Variants in WNK2 observed in about 807,000 individuals in gnomAD.
WNK2 encodes WNK lysine deficient protein kinase 2.
In WNK2, 67 loss-of-function variants were observed where a neutral mutation model predicts 192.1. The ratio of observed to expected loss-of-function variants is 0.35; its 90% confidence interval spans 0.29 to 0.43. The LOEUF is 0.43. Ranked by LOEUF, WNK2 falls within the 20% of genes least tolerant of loss-of-function variation. WNK2 has a pLI of 1.00. For missense variants in WNK2, 2,698 were observed against 3,089.7 expected, an observed-to-expected ratio of 0.87 and a Z score of 3.01; for synonymous variants, 1,439 against 1,393.9, an observed-to-expected ratio of 1.03 and a Z score of -0.72.
intron 27 of WNK2, chr9:93,307,226 T>G: frequency 5.9e-6 from 1 of 170,078 alleles, no homozygotes; most frequent in Non-Finnish European, 1.2e-5. Context: ...GCCACTCACC[T>G]CTCTCTCTCT....
intron 21 of WNK2, 125 bp downstream of exon 21, chr9:93,290,172 T>A (rs571250218): frequency 1.4e-4 from 114 of 841,312 alleles, no homozygotes; most frequent in Admixed American, 2.4e-4. Flanking sequence ...TAAAGATCCT[T>A]TTATCTGTAA....
At chr9:93,258,277 A>G (rs1843643715) in intron 11 of WNK2, among the ~76,000 whole-genome samples, 1 of 152,192 alleles carries the variant, frequency 6.6e-6, no homozygotes, top group Non-Finnish European at 1.5e-5. Context: ...AGGCACATGT[A>G]ATGCTGAGAA....
At chr9:93,284,818 A>G (rs114870262) in intron 19 of WNK2, among the ~76,000 whole-genome samples, 3,690 of 152,330 alleles carry the variant, frequency 0.024, 155 homozygotes, top group African/African-American at 0.083. Flanking sequence ...TGTCACAAAC[A>G]CTTTATTTTT....
intron 21 of WNK2, among the ~76,000 whole-genome samples, chr9:93,290,846 T>G (rs563674989): frequency 1.3e-5 from 2 of 152,336 alleles, no homozygotes; most frequent in African/African-American, 4.8e-5. Context: ...TGCTTCTCAT[T>G]TCATTATCTG....
chr9:93,292,586 C>T lies in WNK2; in HGVS notation c.5121C>T (p.Asp1707=). 3.2e-6 allele frequency: 5 copies of T among 1,579,878 alleles called. No individual in the cohort carries two copies. The South Asian group carries it at 3.5e-5, about 11-fold the overall frequency. Reference sequence around the variant, plus strand: ...GCTCGGCAGAGCCCCCGCCGAGTGACATGGGCACAGTGGGGGGCCAGGCTA... The same window carrying T: ...GCTCGGCAGAGCCCCCGCCGAGTGATATGGGCACAGTGGGGGGCCAGGCTA... ...GESSAEPPPS[D]MGTVGGQASH... is the part of the protein sequence containing the mutation. Residue 1707 remains aspartate, a synonymous_variant, in exon 23 of 30, where the codon GAC becomes GAT. Coordinates refer to ENST00000427277, the MANE Select transcript of WNK2 (RefSeq NM_006648.4).
intron 27 of WNK2, chr9:93,307,097 C>T (rs1049562368): frequency 2.7e-5 from 14 of 517,822 alleles, no homozygotes; most frequent in African/African-American, 3.9e-5. Context: ...CGCAAATTGC[C>T]GATCATTAAT....
At chr9:93,244,451 G>A (rs750250995) in intron 7 of WNK2, among the ~76,000 whole-genome samples, 11 of 152,208 alleles carry the variant, frequency 7.2e-5, no homozygotes, top group Non-Finnish European at 1.3e-4. Context: ...ATGGCTAAAT[G>A]TTTTCCTGTT....
intron 25 of WNK2, among the ~76,000 whole-genome samples, chr9:93,299,671 G>T (rs1010749862): frequency 3.3e-5 from 5 of 152,198 alleles, no homozygotes; most frequent in Non-Finnish European, 5.9e-5. Context: ...CGGCTGGGGG[G>T]ACGAGGGCAC....
At chr9:93,184,524 C>T (rs986843708) in intron 1 of WNK2, among the ~76,000 whole-genome samples, 139 bp downstream of exon 1, 2 of 152,106 alleles carry the variant, frequency 1.3e-5, no homozygotes, top group Non-Finnish European at 2.9e-5. Flanking sequence ...CTGCCTTCCT[C>T]CCACCCCCGG....
intron 2 of WNK2, among the ~76,000 whole-genome samples, chr9:93,197,488 G>T (rs1014412570): frequency 6.6e-6 from 1 of 152,140 alleles, no homozygotes; most frequent in African/African-American, 2.4e-5. Context: ...GAAGGTTTAG[G>T]GCCAGTGGTC....
At chr9:93,218,420 C>T (rs1259834811) in intron 2 of WNK2, among the ~76,000 whole-genome samples, 1 of 152,088 alleles carries the variant, frequency 6.6e-6, no homozygotes, top group Non-Finnish European at 1.5e-5. Context: ...CAGGGGTGGC[C>T]GCCTGGCCTG....
In WNK2 at chr9:93,289,115, C is replaced by G. The variant is rs1353581684; in HGVS notation, c.4361C>G (p.Ala1454Gly). 2 of 1,605,638 alleles carry G rather than the reference C, an allele frequency of 1.2e-6. No individual in the cohort carries two copies. The highest frequency in any genetic ancestry group is 1.7e-6 in the Non-Finnish European group (2 of 1,175,696). ...LAVQPLVVGLAPCTPAPEAAS... is the reference protein window; with the variant it reads ...LAVQPLVVGLGPCTPAPEAAS... ...GTGCAGCCCCTCGTGGTGGGCCTAG[C>G]ACCTTGCACTCCAGCTCCAGAGGCT... The change falls in exon 20 of 30, where the codon GCA becomes GGA. Residue 1454 changes from alanine to glycine, a missense_variant. Physicochemically the swap from Ala to Gly is moderately conservative, Grantham distance 60. This residue lies in a region of WNK2 where 1,098 missense variants were observed against 1,101.0 expected (regional missense o/e 1.00). Transcript: ENST00000427277.
Position 93,256,460 on chromosome 9 carries a change from TG to T in WNK2, c.2190+7del. 1 of 1,517,600 alleles carries T rather than the reference TG, an allele frequency of 6.6e-7. No individual in the cohort carries two copies. The highest frequency in any genetic ancestry group is 8.8e-7 in the Non-Finnish European group (1 of 1,135,806). 94.0% of individuals were successfully genotyped at this position (1,517,600 alleles called of 1,614,324 possible). A position where few individuals can be genotyped will look rare whatever the true frequency, so the allele number is the denominator to read the frequency against. On this transcript the variant is annotated splice_region_variant and intron_variant, in intron 10 of 29. Coordinates refer to ENST00000427277, the MANE Select transcript of WNK2 (RefSeq NM_006648.4). ...CAGCACCCCCCGGCCAGCAGGTGAGTGTGGCACCTCCTGTGGCCACTGTCCC... is the reference window on the plus strand; with the variant it reads ...CAGCACCCCCCGGCCAGCAGGTGAGTTGGCACCTCCTGTGGCCACTGTCCC...
intron 2 of WNK2, among the ~76,000 whole-genome samples, chr9:93,195,613 C>T (rs1476563916): frequency 2.1e-5 from 3 of 143,856 alleles, no homozygotes; most frequent in African/African-American, 5.2e-5. Context: ...GCATTAGAAT[C>T]GCTTGAACCC....
chr9:93,319,859 C>T (rs1447092160), intron 29 of WNK2, among the ~76,000 whole-genome samples: 2 of 152,224 alleles, frequency 1.3e-5, no homozygotes, highest in Admixed American at 6.5e-5. Context: ...CCCCAGCATC[C>T]CACTAAAGAC....
Position 93,257,802 on chromosome 9 carries a change from C to T in WNK2, c.2382+663C>T, listed in dbSNP as rs1240254448. Among the ~76,000 whole-genome samples the T allele has an allele frequency of 6.6e-6, 1 of 152,222 alleles. No individual in the cohort carries two copies. The highest frequency in any genetic ancestry group is 1.5e-5 in the Non-Finnish European group (1 of 68,046). On this transcript the variant is annotated intron_variant, in intron 11 of 29. Transcript: ENST00000427277. The surrounding 1 kb of genome is among the most constrained non-coding windows in gnomAD (Gnocchi z 4.7). The stretch of plus-strand genomic sequence containing the variant: ...AGCTGAAGTGACTTCTGCTGTCTTT[C>T]TCTGGGTACACTGTCTTTCACTCGA...
rs561586681 is a variant in WNK2 at position 93,306,551 on chromosome 9, G to T, written c.6215-226G>T. The T allele has an allele frequency of 2.6e-5, 15 of 577,814 alleles. No individual in the cohort carries two copies. The East Asian group carries it at 3.8e-4, about 15-fold the overall frequency. The allele number at this position is 577,814 out of a possible 1,614,324, so 35.8% of individuals were successfully genotyped here. On this transcript the variant is annotated intron_variant, in intron 26 of 29. Coordinates refer to ENST00000427277, the MANE Select transcript of WNK2 (RefSeq NM_006648.4). ...AAACACTTCTCCCTGAAGCTTAGGG[G>T]CTTGGCCCTGGCACCTCTGCCCCCT...
intron 2 of WNK2, among the ~76,000 whole-genome samples, chr9:93,215,435 T>G (rs1301975247): frequency 6.6e-6 from 1 of 152,204 alleles, no homozygotes; most frequent in Non-Finnish European, 1.5e-5. Flanking sequence ...AATGTTTTGA[T>G]TTCATTATTT....
intron 7 of WNK2, among the ~76,000 whole-genome samples, chr9:93,243,826 C>T (rs992586584): frequency 2.0e-5 from 3 of 152,248 alleles, no homozygotes; most frequent in Admixed American, 6.5e-5. Context: ...CTGCCATGGA[C>T]CCTAGACTGG....
Sources: allele counts gnomAD v4.1 joint callset (sites outside exome capture counted in the v4.1 genomes callset), GRCh38; gene constraint gnomAD v4.1.1; regional missense constraint gnomAD v4.1.1; non-coding constraint Gnocchi (gnomAD v3.1); transcripts MANE v1.5; gene names NCBI Gene and HGNC (gene_info 2026-07-23, HGNC 2026-07-21).